The following KCNIP4 variants were observed in gnomAD, a reference collection of about 807,000 sequenced individuals.
KCNIP4 encodes Kv channel-interacting protein 4.
In KCNIP4, 12 loss-of-function variants were observed where a neutral mutation model predicts 34.0. The ratio of observed to expected loss-of-function variants is 0.35; its 90% confidence interval spans 0.23 to 0.57. KCNIP4 has a LOEUF of 0.57. Ranked by LOEUF, KCNIP4 falls within the 20% of genes least tolerant of loss-of-function variation. The pLI is 0.83. For synonymous variants in KCNIP4, 124 were observed against 102.2 expected, an observed-to-expected ratio of 1.21 and a Z score of -1.29; for missense variants, 238 against 311.7, an observed-to-expected ratio of 0.76 and a Z score of 1.78.
chr4:21,697,475 G>T (rs754112740), intron 1 of KCNIP4: 1 of 1,529,804 alleles, frequency 6.5e-7, no homozygotes, highest in South Asian at 1.4e-5. Context: ...AGAGCCAGAA[G>T]TCTTTGCCAA....
intron 1 of KCNIP4, among the ~76,000 whole-genome samples, chr4:21,387,874 A>G (rs1389772990): frequency 6.6e-6 from 1 of 152,202 alleles, no homozygotes; most frequent in Non-Finnish European, 1.5e-5. Context: ...ACTTACTATG[A>G]CAGGTGTGGT....
chr4:21,468,591 C>T (rs1033594234), intron 1 of KCNIP4, among the ~76,000 whole-genome samples: 6 of 152,006 alleles, frequency 3.9e-5, no homozygotes, highest in African/African-American at 1.2e-4. Flanking sequence ...TCTCTGGGGA[C>T]GAGTCATACT....
At position 20,728,719 on chromosome 4, in the gene KCNIP4, A is replaced by G. The variant is rs935468347; in HGVS notation, c.*1363T>C. On this transcript the variant is annotated 3_prime_UTR_variant, in exon 9 of 9. Coordinates refer to ENST00000382152, the MANE Select transcript of KCNIP4 (RefSeq NM_025221.6). ...AATTTCAGTGTACATGTATTGTACT[A>G]CTCTTAATTTCTACACTGGTGATAG... 1 of 152,420 alleles carries G rather than the reference A, an allele frequency of 6.6e-6. No individual in the cohort carries two copies. Among genetic ancestry groups the G allele is most frequent in the African/African-American group, 2.4e-5 (1 of 41,378 alleles). The allele number at this position is 152,420 out of a possible 1,614,324, so 9.4% of individuals were successfully genotyped here. A position where few individuals can be genotyped will look rare whatever the true frequency, so the allele number is the denominator to read the frequency against.
chr4:21,002,355 A>T (rs935710104), intron 1 of KCNIP4, among the ~76,000 whole-genome samples: 1 of 152,206 alleles, frequency 6.6e-6, no homozygotes, highest in Non-Finnish European at 1.5e-5. Context: ...TAAGCCTCAG[A>T]GTATGTTTTG....
chr4:21,062,672 T>G (rs1744029096), intron 1 of KCNIP4, among the ~76,000 whole-genome samples: 1 of 152,138 alleles, frequency 6.6e-6, no homozygotes, highest in Non-Finnish European at 1.5e-5. Flanking sequence ...TAGTTTTTGT[T>G]TGACCCTGAA....
intron 1 of KCNIP4, among the ~76,000 whole-genome samples, chr4:21,390,254 C>T (rs1263475315): frequency 1.3e-5 from 2 of 152,098 alleles, no homozygotes; most frequent in Non-Finnish European, 2.9e-5. Flanking sequence ...CTATAGGTTG[C>T]CTGTTCACTC....
At chr4:20,918,217 A>G (rs1203660087) in intron 1 of KCNIP4, among the ~76,000 whole-genome samples, 1 of 152,046 alleles carries the variant, frequency 6.6e-6, no homozygotes, top group Non-Finnish European at 1.5e-5. Context: ...TGTTAATCTT[A>G]CAGAGCTTTC....
chr4:20,846,238 C>T (rs1472582616), intron 3 of KCNIP4, among the ~76,000 whole-genome samples: 1 of 152,162 alleles, frequency 6.6e-6, no homozygotes, highest in Non-Finnish European at 1.5e-5. Context: ...AAGGAACCAG[C>T]TGTCTGAAGC....
chr4:21,475,418 C>T (rs1365022503), intron 1 of KCNIP4, among the ~76,000 whole-genome samples: 1 of 152,148 alleles, frequency 6.6e-6, no homozygotes, highest in Non-Finnish European at 1.5e-5. Flanking sequence ...ATGCCTTTAC[C>T]TACCTATGAA....
chr4:21,925,386 A>T (rs1489864859), intron 1 of KCNIP4, among the ~76,000 whole-genome samples: 2 of 152,014 alleles, frequency 1.3e-5, no homozygotes, highest in Non-Finnish European at 2.9e-5. Flanking sequence ...TTCCAGTTTC[A>T]TCCATGTCCC....
At chr4:20,892,935 C>T (rs1412706879) in intron 1 of KCNIP4, among the ~76,000 whole-genome samples, 1 of 152,190 alleles carries the variant, frequency 6.6e-6, no homozygotes, top group Non-Finnish European at 1.5e-5. Flanking sequence ...ACTACTTCTA[C>T]AGGGCTATCC....
chr4:21,254,946 G>C (rs76646819), intron 1 of KCNIP4, among the ~76,000 whole-genome samples: 1 of 151,886 alleles, frequency 6.6e-6, no homozygotes, highest in South Asian at 2.1e-4. Flanking sequence ...ACTGCCACCC[G>C]TCCCCAGACT....
chr4:21,456,734 T>C (rs1019727048), intron 1 of KCNIP4, among the ~76,000 whole-genome samples: 1 of 148,340 alleles, frequency 6.7e-6, no homozygotes, highest in Non-Finnish European at 1.5e-5. Flanking sequence ...GTAGATTTGC[T>C]CTTCTTGACT....
chr4:21,140,406 C>G (rs1296592229), intron 1 of KCNIP4, among the ~76,000 whole-genome samples: 2 of 152,116 alleles, frequency 1.3e-5, no homozygotes, highest in Admixed American at 6.5e-5. Flanking sequence ...CAAAGCCCAT[C>G]AAAGCCCATT....
chr4:20,992,787 G>A (rs546616513), intron 1 of KCNIP4, among the ~76,000 whole-genome samples: 6 of 152,100 alleles, frequency 3.9e-5, no homozygotes, highest in African/African-American at 1.4e-4. Context: ...CAGCAATTTG[G>A]GGGGCCAAGG....
intron 1 of KCNIP4, among the ~76,000 whole-genome samples, chr4:20,937,657 A>G (rs897305381): frequency 6.6e-6 from 1 of 152,184 alleles, no homozygotes; most frequent in Non-Finnish European, 1.5e-5. Context: ...ATCACATAAG[A>G]AGAAAGCACC....
intron 1 of KCNIP4, among the ~76,000 whole-genome samples, chr4:21,348,251 T>G (rs16870895): frequency 0.036 from 5,555 of 152,232 alleles, 236 homozygotes; most frequent in East Asian, 0.2. Flanking sequence ...TATTATCAAG[T>G]CACTAACAGT....
intron 1 of KCNIP4, among the ~76,000 whole-genome samples, chr4:21,491,394 TGAGAC>T (rs987914004): frequency 6.6e-6 from 1 of 152,134 alleles, no homozygotes; most frequent in African/African-American, 2.4e-5. Flanking sequence ...TTTGTTTGTT[TGAGAC>T]AAGATCTCTC....
intron 1 of KCNIP4, among the ~76,000 whole-genome samples, chr4:21,001,416 C>T (rs1191482799): frequency 1.3e-5 from 2 of 152,160 alleles, no homozygotes; most frequent in Admixed American, 6.5e-5. Flanking sequence ...ATGGAAAGCT[C>T]TTAATGTTTA....
Sources: allele counts gnomAD v4.1 joint callset (sites outside exome capture counted in the v4.1 genomes callset), GRCh38; gene constraint gnomAD v4.1.1; transcripts MANE v1.5; gene names NCBI Gene and HGNC (gene_info 2026-07-23, HGNC 2026-07-21).